CHIT1: variants seen among roughly 807,000 people sequenced by gnomAD.
CHIT1 encodes chitinase 1.
Under a neutral mutation model 52.0 loss-of-function variants are expected in CHIT1, and 47 were observed. That is an observed-to-expected ratio of 0.90 (90% CI 0.71 to 1.15). The LOEUF (loss-of-function observed/expected upper bound fraction) is 1.15. CHIT1 is among the 50% of genes most tolerant of loss of function. The pLI is 0.00. For synonymous variants in CHIT1, 242 were observed against 228.2 expected (o/e 1.06, Z -0.54); for missense variants, 569 against 583.0 (o/e 0.98, Z 0.25).
chr1:203,217,202 A>AGGCAGCAACCATTGGCT (rs1383192034), intron 10 of CHIT1, 69 bp from the exon 11 acceptor site: 1 of 1,597,920 alleles, frequency 6.3e-7, no homozygotes, highest in African/African-American at 1.3e-5. Context: ...CAGAGCACAC[A>AGGCAGCAACCATTGGCT]GGCAGCAACC....
Position 203,222,441 on chromosome 1 carries a change from G to A in CHIT1, c.606-116C>T, listed in dbSNP as rs1253327471. ...TAGGGAGGAACCACTGGGGTCAGAG[G>A]CAAAGGTGGCAGGCTCACCTGGCTC... On this transcript the variant is annotated intron_variant, in intron 6 of 10. Transcript: ENST00000367229. The A allele has an allele frequency of 4.0e-6, 6 of 1,495,196 alleles. No individual in the cohort carries two copies. The African/African-American group carries it at 5.5e-5, about 14-fold the overall frequency. 92.6% of individuals were successfully genotyped at this position (1,495,196 alleles called of 1,614,324 possible).
At chr1:203,228,877 GTTAT>G (rs1479632579) in intron 1 of CHIT1, among the ~76,000 whole-genome samples, 4 of 152,238 alleles carry the variant, frequency 2.6e-5, no homozygotes, top group Non-Finnish European at 5.9e-5. Flanking sequence ...TGACTTGTGA[GTTAT>G]TTAGAGAGAT....
At chr1:203,227,879 G>A (rs1241199629) in intron 2 of CHIT1, among the ~76,000 whole-genome samples, 3 of 152,282 alleles carry the variant, frequency 2.0e-5, no homozygotes, top group East Asian at 1.9e-4. Flanking sequence ...ACAGCCCAGC[G>A]TGAGAGGCAC....
rs541230578 is a variant in CHIT1, at chr1:203,228,456, C to A, written c.55+77G>T. ...TGAAATCTGGAGCTCTTGGGGAGGT[C>A]TGGCAGGGAAGGTGTTTTGGGACAT... On this transcript the variant is annotated intron_variant, in intron 2 of 10. Coordinates refer to ENST00000367229, the MANE Select transcript of CHIT1 (RefSeq NM_003465.3). 62 of 1,474,268 alleles carry A rather than the reference C, an allele frequency of 4.2e-5. No homozygotes were observed. In the African/African-American group the frequency reaches 7.4e-4, roughly 18 times the overall value. The allele number at this position is 1,474,268 out of a possible 1,614,324, so 91.3% of individuals were successfully genotyped here. A position where few individuals can be genotyped will look rare whatever the true frequency, so the allele number is the denominator to read the frequency against.
intron 6 of CHIT1, 97 bp downstream of exon 6, chr1:203,223,038 T>C: frequency 1.3e-6 from 2 of 1,525,472 alleles, no homozygotes; most frequent in Non-Finnish European, 9.0e-7. Flanking sequence ...AAATGCCTTG[T>C]AGATGAACAC....
upstream of CHIT1, chr1:203,229,868 C>T: frequency 8.3e-6 from 5 of 605,778 alleles, no homozygotes; most frequent in Non-Finnish European, 1.5e-5. Flanking sequence ...CAGAGGGTGA[C>T]TCTTAGTGTT....
At chr1:203,228,026 G>T (rs1240772425) in intron 2 of CHIT1, among the ~76,000 whole-genome samples, 1 of 152,204 alleles carries the variant, frequency 6.6e-6, no homozygotes, top group African/African-American at 2.4e-5. Context: ...ACAACAAGGA[G>T]CTCCCTCCTG....
At chr1:203,227,050 C>T (rs1359636049) in intron 2 of CHIT1, among the ~76,000 whole-genome samples, 1 of 152,192 alleles carries the variant, frequency 6.6e-6, no homozygotes, top group Non-Finnish European at 1.5e-5. Context: ...TTTGCCCCAG[C>T]AGGGTCTGTC....
At chr1:203,220,327 G>A (rs1323778395) in intron 7 of CHIT1, among the ~76,000 whole-genome samples, 5 of 152,286 alleles carry the variant, frequency 3.3e-5, no homozygotes, top group East Asian at 1.9e-4. Context: ...CGCAATAAAG[G>A]GTCGCTGTGG....
Position 203,216,894 on chromosome 1 carries a change from T to A in CHIT1, c.1396A>T (p.Asn466Tyr). Residue 466 changes from asparagine to tyrosine, a missense_variant, in exon 11 of 11, where the codon AAT becomes TAT. Asn to Tyr is a moderately radical substitution (Grantham distance 143, BLOSUM62 -2). Transcript: ENST00000367229. ...ACTGGAGGGGCTTTAGCGACTCAAT[T>A]CCAGGTGCAGCATTTGCAGGAGTTG... Reference protein sequence around the residue: ...FSNSCKCCTWN With the variant: ...FSNSCKCCTWY 2.5e-6 allele frequency: 4 copies of A among 1,614,080 alleles called. No individual in the cohort carries two copies. Among genetic ancestry groups the A allele is most frequent in the Non-Finnish European group, 3.4e-6 (4 of 1,180,014 alleles).
At chr1:203,227,176 G>A (rs1036315120) in intron 2 of CHIT1, among the ~76,000 whole-genome samples, 1 of 152,184 alleles carries the variant, frequency 6.6e-6, no homozygotes, top group African/African-American at 2.4e-5. Flanking sequence ...ACTAGAACCC[G>A]AGAGCATGGA....
intron 10 of CHIT1, chr1:203,217,460 C>A: frequency 1.5e-6 from 2 of 1,317,486 alleles, no homozygotes; most frequent in Non-Finnish European, 2.1e-6. Context: ...AAGAGAGGAA[C>A]AAGGTGCTGC....
At position 203,216,955 on chromosome 1, in the gene CHIT1, C is replaced by T. The variant is rs780247532; in HGVS notation, c.1335G>A (p.Leu445=). ...SSFYSCAAGR[L]FQQSCPTGLV... ...GGCCTGTCGGGCAGCTTTGCTGGAA[C>T]AGCCGCCCCGCTGCACAGCTGTAGA... The change falls in exon 11 of 11, where the codon CTG becomes CTA. Residue 445 remains leucine, a synonymous_variant. Coordinates refer to ENST00000367229, the MANE Select transcript of CHIT1 (RefSeq NM_003465.3). The T allele has an allele frequency of 6.2e-7, 1 of 1,614,196 alleles. No individual in the cohort carries two copies. Among genetic ancestry groups the T allele is most frequent in the South Asian group, 1.1e-5 (1 of 91,084 alleles).
intron 8 of CHIT1, 152 bp from the exon 9 acceptor site, chr1:203,219,481 A>G: frequency 1.1e-6 from 1 of 892,380 alleles, no homozygotes; most frequent in South Asian, 1.4e-5. Context: ...AGAATTCTGG[A>G]CTCAGCTTGA....
At chr1:203,229,717 C>T (rs115551220), upstream of CHIT1, 67,352 of 1,554,344 alleles carry the variant, frequency 0.043, 1,684 homozygotes, top group Admixed American at 0.052. Flanking sequence ...CACCCTGTCC[C>T]ACCCCAGCCA....
Position 203,223,211 on chromosome 1 carries a change from G to C in CHIT1, c.529C>G (p.Arg177Gly). The C allele has an allele frequency of 6.2e-7, 1 of 1,614,204 alleles. No individual in the cohort carries two copies. The highest frequency in any genetic ancestry group is 8.5e-7 in the Non-Finnish European group (1 of 1,180,038). ...QQEAQTSGKERLLLSAAVPAG... is the reference protein window; with the variant it reads ...QQEAQTSGKEGLLLSAAVPAG... ...GGAACCGCTGCACTCAGAAGAAGGC[G>C]TTCCTTCCCTGAGGTCTGGGCTTCC... is the stretch of plus-strand genomic sequence containing the variant. The change falls in exon 6 of 11, where the codon CGC becomes GGC. Residue 177 changes from arginine to glycine, a missense_variant. By Grantham distance (125) the Arg-to-Gly change is moderately radical. Coordinates refer to ENST00000367229, the MANE Select transcript of CHIT1 (RefSeq NM_003465.3).
At chr1:203,222,561 C>A (rs976118755) in intron 6 of CHIT1, among the ~76,000 whole-genome samples, 1 of 152,196 alleles carries the variant, frequency 6.6e-6, no homozygotes, top group Non-Finnish European at 1.5e-5. Context: ...CCACTGTCCC[C>A]TCAGCACCCC....
rs1656730954 is a variant in CHIT1 at position 203,221,513 on chromosome 1, C to CAGG, written c.729+686_729+688dup. Among the ~76,000 whole-genome samples the CAGG allele has an allele frequency of 1.3e-5, 2 of 152,212 alleles. 1 individual carries two copies. The highest frequency in any genetic ancestry group is 4.2e-4 in the South Asian group (2 of 4,818). ...GCTGGTCATAGTGATCCCAGTTACT[C>CAGG]AGGAGGCTGGGGCAGGAGGATCGCT... On this transcript the variant is annotated intron_variant, in intron 7 of 10. Transcript: ENST00000367229.
rs1205050425 is a variant in CHIT1 at position 203,223,151 on chromosome 1, C to T, written c.589G>A (p.Val197Met). The T allele has an allele frequency of 6.2e-7, 1 of 1,614,174 alleles. No individual in the cohort carries two copies. The highest frequency in any genetic ancestry group is 8.5e-7 in the Non-Finnish European group (1 of 1,180,038). The change falls in exon 6 of 11, where the codon GTG becomes ATG. Residue 197 changes from valine to methionine, a missense_variant. Transcript: ENST00000367229. ...GQTYVDAGYE[V>M]DKIAQNLDFV... is the part of the protein sequence containing the mutation. ...GAGACTCACTGGGCGATTTTGTCCACCTCGTATCCAGCATCCACATAGGTC... is the reference window on the plus strand; with the variant it reads ...GAGACTCACTGGGCGATTTTGTCCATCTCGTATCCAGCATCCACATAGGTC...
Sources: allele counts gnomAD v4.1 joint callset (sites outside exome capture counted in the v4.1 genomes callset), GRCh38; gene constraint gnomAD v4.1.1; transcripts MANE v1.5; gene names NCBI Gene and HGNC (gene_info 2026-07-23, HGNC 2026-07-21).